BRCA2: variants seen among roughly 807,000 people sequenced by gnomAD.
The protein encoded by BRCA2 is breast cancer type 2 susceptibility protein.
Under a neutral mutation model 276.7 loss-of-function variants are expected in BRCA2, and 203 were observed. The ratio of observed to expected loss-of-function variants is 0.73; its 90% CI spans 0.65 to 0.82. The LOEUF is 0.82. Ranked by LOEUF, BRCA2 falls within the 40% of genes least tolerant of loss-of-function variation. The probability of loss-of-function intolerance (pLI) is 0.00; values close to 1 mark genes in which losing one functional copy is unlikely to be tolerated. For missense variants in BRCA2, 3,920 were observed against 3,915.0 expected (o/e 1.00, Z -0.03); for synonymous variants, 1,289 against 1,338.4 (o/e 0.96, Z 0.81).
At chr13:32,344,075 A>G (rs528968834) in intron 11 of BRCA2, among the ~76,000 whole-genome samples, 1 of 151,956 alleles carries the variant, frequency 6.6e-6, no homozygotes, top group African/African-American at 2.4e-5. Context: ...TAGTACTTTA[A>G]TGTAATTTGA....
intron 13 of BRCA2, among the ~76,000 whole-genome samples, chr13:32,353,287 C>T (rs1015406011): frequency 1.8e-4 from 27 of 152,194 alleles, no homozygotes; most frequent in African/African-American, 6.0e-4. Context: ...TCTTTGAGTA[C>T]TCTCCTGAAC....
intron 24 of BRCA2, among the ~76,000 whole-genome samples, chr13:32,388,246 G>A (rs1197714694): frequency 6.6e-6 from 1 of 151,844 alleles, no homozygotes; most frequent in Non-Finnish European, 1.5e-5. Flanking sequence ...AGCCTCCCGA[G>A]TAGCTGGGAC....
chr13:32,330,811 T>C (rs2072383369), intron 8 of BRCA2, 108 bp from the exon 9 acceptor site: 1 of 708,794 alleles, frequency 1.4e-6, no homozygotes, highest in South Asian at 1.7e-5. Flanking sequence ...CTAGGTTGAT[T>C]GCAGATAACT....
intron 20 of BRCA2, among the ~76,000 whole-genome samples, chr13:32,373,905 C>T (rs187179085): frequency 1.3e-5 from 2 of 152,250 alleles, no homozygotes; most frequent in African/African-American, 2.4e-5. Context: ...GCTCTGCCCC[C>T]ACAGCAGACT....
intron 2 of BRCA2, among the ~76,000 whole-genome samples, chr13:32,318,220 A>T (rs528136966): frequency 4.2e-4 from 64 of 152,350 alleles, no homozygotes; most frequent in African/African-American, 1.5e-3. Context: ...AAATGTCAAC[A>T]TCATGAAAAA....
chr13:32,345,986 G>A (rs768311733), intron 12 of BRCA2, among the ~76,000 whole-genome samples: 68 of 151,904 alleles, frequency 4.5e-4, no homozygotes, highest in Admixed American at 1.2e-3. Context: ...AATTCTTCCG[G>A]ATGTGGTTAC....
chr13:32,382,029 G>A (rs57215713), intron 24 of BRCA2, among the ~76,000 whole-genome samples: 10 of 152,266 alleles, frequency 6.6e-5, no homozygotes, highest in African/African-American at 2.2e-4. Flanking sequence ...ATGCTTATTA[G>A]GCATCTAAGT....
chr13:32,334,625 A>T (rs1593894890), intron 10 of BRCA2, among the ~76,000 whole-genome samples: 1 of 151,936 alleles, frequency 6.6e-6, no homozygotes, highest in African/African-American at 2.4e-5. Context: ...AGTGAACCAA[A>T]ATTGTACCAG....
rs2137462881 is a variant in BRCA2 at position 32,331,141 on chromosome 13, C to T, written c.793+111C>T. The T allele has an allele frequency of 8.0e-6, 6 of 753,532 alleles. No homozygotes were observed. The South Asian group carries it at 9.5e-5, about 12-fold the overall frequency. 46.7% of individuals were successfully genotyped at this position (753,532 alleles called of 1,614,324 possible). ...ACCCGTGATCTCGGTTTACCGCAACCTCTGCCTCCCGTGCTCAAGCGATCC... is the reference window on the plus strand; with the variant it reads ...ACCCGTGATCTCGGTTTACCGCAACTTCTGCCTCCCGTGCTCAAGCGATCC... On this transcript the variant is annotated intron_variant, in intron 9 of 26. Transcript: ENST00000380152.
intron 11 of BRCA2, among the ~76,000 whole-genome samples, chr13:32,341,778 G>A (rs2072572885): frequency 6.6e-6 from 1 of 151,160 alleles, no homozygotes; most frequent in Non-Finnish European, 1.5e-5. Flanking sequence ...TGAGGCAGGA[G>A]AATGGCGTGA....
rs146920438 is a variant in BRCA2 at position 32,385,055 on chromosome 13, T to C, written c.9256+4910T>C. ...ATTTGCAAGAAGTTTTCAAGTCCTT[T>C]CTGTCACAGAATGGAATGTCCAGAG... is the stretch of plus-strand genomic sequence containing the variant. On this transcript the variant is annotated intron_variant, in intron 24 of 26. Coordinates refer to ENST00000380152, the MANE Select transcript of BRCA2 (RefSeq NM_000059.4). The C allele has an allele frequency of 7.0e-5, 22 of 312,396 alleles. No individual in the cohort carries two copies. The East Asian group carries it at 1.3e-3, about 18-fold the overall frequency. The allele number at this position is 312,396 out of a possible 1,614,324, so 19.4% of individuals were successfully genotyped here. A position where few individuals can be genotyped will look rare whatever the true frequency, so the allele number is the denominator to read the frequency against.
chr13:32,398,734 T>C lies in BRCA2; in HGVS notation c.10221T>C (p.Asn3407=), dbSNP rs786203441. Residue 3407 remains asparagine, a synonymous_variant, in exon 27 of 27, where the codon AAT becomes AAC. Coordinates refer to ENST00000380152, the MANE Select transcript of BRCA2 (RefSeq NM_000059.4). ...CCAGTACGGAAGAATGTGAGAAAAA[T>C]AAGCAGGACACAATTACAACTAAAA... ...SQASTEECEK[N]KQDTITTKKY... The C allele has an allele frequency of 2.6e-5, 42 of 1,613,764 alleles. No homozygotes were observed. The South Asian group carries it at 4.4e-4, about 17-fold the overall frequency.
At chr13:32,381,735 A>C (rs747713299) in intron 24 of BRCA2, among the ~76,000 whole-genome samples, 1 of 152,148 alleles carries the variant, frequency 6.6e-6, no homozygotes, top group Middle Eastern at 3.2e-3. Flanking sequence ...TTTTCACAGA[A>C]TCATTCAGGC....
chr13:32,319,415 T>G, intron 3 of BRCA2, 90 bp downstream of exon 3: 1 of 1,328,526 alleles, frequency 7.5e-7, no homozygotes. Context: ...TCATTAATTG[T>G]GTCATGCTGG....
intron 3 of BRCA2, among the ~76,000 whole-genome samples, chr13:32,324,444 T>C (rs892706808): frequency 6.6e-6 from 1 of 152,174 alleles, no homozygotes; most frequent in African/African-American, 2.4e-5. Context: ...CACATAAATA[T>C]ATATATTTCT....
At chr13:32,341,382 G>T (rs2072568536) in intron 11 of BRCA2, among the ~76,000 whole-genome samples, 186 bp downstream of exon 11, 1 of 151,998 alleles carries the variant, frequency 6.6e-6, no homozygotes, top group Non-Finnish European at 1.5e-5. Flanking sequence ...ATACAGATTT[G>T]ATATCTTGGT....
chr13:32,319,055 G>A (rs745336881), intron 2 of BRCA2, 22 bp from the exon 3 acceptor site: 1 of 1,611,130 alleles, frequency 6.2e-7, no homozygotes, highest in Non-Finnish European at 8.5e-7. Context: ...TAAAACTAAG[G>A]TGGGATTTTT....
Position 32,394,736 on chromosome 13 carries a change from G to A in BRCA2, c.9304G>A (p.Ala3102Thr), listed in dbSNP as rs747073940. The change falls in exon 25 of 27, where the codon GCA becomes ACA. Residue 3102 changes from alanine (A) to threonine (T), a missense_variant. By Grantham distance (58) the Ala-to-Thr change is moderately conservative. Around this residue, in one of 2 missense-constraint regions of BRCA2, gnomAD observed 657 missense variants for 758.2 expected, o/e 0.87. Coordinates refer to ENST00000380152, the MANE Select transcript of BRCA2 (RefSeq NM_000059.4). ...YLSDECYNLL[A>T]IKFWIDLNED... ...GTCAGACGAATGTTACAATTTACTG[G>A]CAATAAAGTTTTGGATAGACCTTAA... 4 of 1,613,740 alleles carry A rather than the reference G, an allele frequency of 2.5e-6. No homozygotes were observed. The highest frequency in any genetic ancestry group is 1.3e-5 in the African/African-American group (1 of 74,982).
At position 32,340,413 on chromosome 13, in the gene BRCA2, G is replaced by A. The variant is rs80358842; in HGVS notation, c.6058G>A (p.Glu2020Lys). ...TTCCAAAGTATTGTTTAAAAGTAAC[G>A]AACATTCAGACCAGCTCACAAGAGA... Reference protein sequence around the residue: ...VFSKVLFKSNEHSDQLTREEN... With the variant: ...VFSKVLFKSNKHSDQLTREEN... The change falls in exon 11 of 27, where the codon GAA (glutamate) becomes AAA (lysine). Residue 2020 changes from glutamate to lysine, a missense_variant. By Grantham distance (56) the Glu-to-Lys change is moderately conservative (BLOSUM62 1). This residue lies in a region of BRCA2 where 3,263 missense variants were observed against 3,156.9 expected (regional missense o/e 1.03). Transcript: ENST00000380152. 2.3e-5 allele frequency: 37 copies of A among 1,613,490 alleles called. No individual in the cohort carries two copies. Among genetic ancestry groups the A allele is most frequent in the African/African-American group, 4.0e-5 (3 of 74,900 alleles).
Sources: allele counts gnomAD v4.1 joint callset (sites outside exome capture counted in the v4.1 genomes callset), GRCh38; gene constraint gnomAD v4.1.1; regional missense constraint gnomAD v4.1.1; transcripts MANE v1.5; gene names NCBI Gene and HGNC (gene_info 2026-07-23, HGNC 2026-07-21).